The following PDGFC variants were observed in gnomAD, a reference collection of about 807,000 sequenced individuals.
PDGFC encodes platelet-derived growth factor C.
In PDGFC, 12 loss-of-function variants were observed where a neutral mutation model predicts 35.5. The observed-to-expected ratio is 0.34, with a 90% confidence interval of 0.22 to 0.55. PDGFC has a LOEUF of 0.55. Among genes scored for constraint, PDGFC ranks in the 20% least tolerant of loss-of-function variants. The pLI is 0.91. For missense variants in PDGFC, 322 were observed against 412.4 expected (o/e 0.78, Z 1.90); for synonymous variants, 159 against 148.8 (o/e 1.07, Z -0.50).
chr4:156,834,373 T>A (rs941489336), intron 2 of PDGFC, among the ~76,000 whole-genome samples: 2 of 152,190 alleles, frequency 1.3e-5, no homozygotes, highest in East Asian at 3.8e-4. Flanking sequence ...GCAGGCCTCA[T>A]TTCCACTGAG....
intron 1 of PDGFC, among the ~76,000 whole-genome samples, chr4:156,863,520 A>G (rs1381164421): frequency 6.6e-6 from 1 of 152,200 alleles, no homozygotes; most frequent in East Asian, 1.9e-4. Context: ...AAAACAACAA[A>G]AACAGTAACA....
rs145984509 is a variant in PDGFC at position 156,789,550 on chromosome 4, T to TAGC, written c.496-16660_496-16658dup. ...CACACACATGCACACACACACCAAC[T>TAGC]AGCACTCATCATCTAGCTGCTTTTA... On this transcript the variant is annotated intron_variant, in intron 3 of 5. Coordinates refer to ENST00000502773, the MANE Select transcript of PDGFC (RefSeq NM_016205.3). 6.4e-3 allele frequency among the ~76,000 whole-genome samples: 971 copies of TAGC among 152,252 alleles called. 16 individuals carry two copies. The highest frequency in any genetic ancestry group is 0.021 in the African/African-American group (872 of 41,550).
intron 1 of PDGFC, among the ~76,000 whole-genome samples, chr4:156,903,508 T>C (rs1730843619): frequency 6.6e-6 from 1 of 152,050 alleles, no homozygotes; most frequent in African/African-American, 2.4e-5. Context: ...ACACAGCAGA[T>C]GGTTTCCCCT....
At chr4:156,916,162 G>T (rs1372720750) in intron 1 of PDGFC, among the ~76,000 whole-genome samples, 1 of 151,880 alleles carries the variant, frequency 6.6e-6, no homozygotes. Flanking sequence ...AAAATTCTAA[G>T]ATCTTAGGGG....
chr4:156,901,325 T>C (rs2110764910), intron 1 of PDGFC, among the ~76,000 whole-genome samples: 1 of 152,214 alleles, frequency 6.6e-6, no homozygotes, highest in East Asian at 1.9e-4. Flanking sequence ...CAAGCACATG[T>C]AAACGTCAGA....
chr4:156,867,364 G>A (rs566879108), intron 1 of PDGFC, among the ~76,000 whole-genome samples: 1 of 152,268 alleles, frequency 6.6e-6, no homozygotes, highest in South Asian at 2.1e-4. Flanking sequence ...CAGAGCTCTA[G>A]GCAATAATGC....
In PDGFC at chr4:156,883,710, TTCTTTC is replaced by T. The variant is rs200093254; in HGVS notation, c.119-33300_119-33295del. 9.7e-3 allele frequency among the ~76,000 whole-genome samples: 1,478 copies of T among 152,286 alleles called. 18 individuals are homozygous for T. Among genetic ancestry groups the T allele is most frequent in the African/African-American group, 0.033 (1,360 of 41,556 alleles). On this transcript the variant is annotated intron_variant, in intron 1 of 5. Coordinates refer to ENST00000502773, the MANE Select transcript of PDGFC (RefSeq NM_016205.3). ...AAGGATATCTTTGATGATCTGAGATTTCTTTCTCTTTCTCTTTCTCTCAGTGTACCT... is the reference window on the plus strand; with the variant it reads ...AAGGATATCTTTGATGATCTGAGATTTCTTTCTCTTTCTCTCAGTGTACCT...
At chr4:156,898,118 G>A (rs1161390989) in intron 1 of PDGFC, among the ~76,000 whole-genome samples, 2 of 152,100 alleles carry the variant, frequency 1.3e-5, no homozygotes, top group African/African-American at 4.8e-5. Flanking sequence ...TGAAGGTGGA[G>A]GCCTCATGAA....
chr4:156,815,561 C>T (rs1189343985), intron 2 of PDGFC, among the ~76,000 whole-genome samples: 4 of 151,606 alleles, frequency 2.6e-5, no homozygotes, highest in African/African-American at 4.9e-5. Flanking sequence ...CTAACATAGC[C>T]CAAACATCAA....
chr4:156,938,139 A>T (rs1731726231), intron 1 of PDGFC, among the ~76,000 whole-genome samples: 1 of 149,554 alleles, frequency 6.7e-6, no homozygotes, highest in Admixed American at 6.6e-5. Context: ...ATATGAAAAT[A>T]CACACACACA....
At chr4:156,793,040 C>T (rs563239253) in intron 3 of PDGFC, among the ~76,000 whole-genome samples, 2 of 152,102 alleles carry the variant, frequency 1.3e-5, no homozygotes, top group Non-Finnish European at 2.9e-5. Flanking sequence ...GCAAACTCAA[C>T]CACAGGGCAT....
chr4:156,799,298 A>G (rs905290760), intron 3 of PDGFC, among the ~76,000 whole-genome samples: 2 of 152,098 alleles, frequency 1.3e-5, no homozygotes, highest in Non-Finnish European at 2.9e-5. Flanking sequence ...CAGACACAGG[A>G]CCTTTGCCCT....
At chr4:156,853,891 A>C (rs1436060610) in intron 1 of PDGFC, among the ~76,000 whole-genome samples, 1 of 152,164 alleles carries the variant, frequency 6.6e-6, no homozygotes, top group African/African-American at 2.4e-5. Flanking sequence ...TAAGCCCAGG[A>C]GGTTGAGGCT....
chr4:156,935,524 C>T (rs1190479474), intron 1 of PDGFC, among the ~76,000 whole-genome samples: 1 of 152,166 alleles, frequency 6.6e-6, no homozygotes, highest in Non-Finnish European at 1.5e-5. Flanking sequence ...ATTACAACAG[C>T]TACAACCTCA....
At chr4:156,867,352 G>T (rs548815784) in intron 1 of PDGFC, among the ~76,000 whole-genome samples, 1 of 152,302 alleles carries the variant, frequency 6.6e-6, no homozygotes, top group African/African-American at 2.4e-5. Context: ...CTACGTGAAC[G>T]ACAGAGCTCT....
At chr4:156,796,031 A>G (rs1355215607) in intron 3 of PDGFC, among the ~76,000 whole-genome samples, 1 of 152,156 alleles carries the variant, frequency 6.6e-6, no homozygotes, top group Non-Finnish European at 1.5e-5. Context: ...AAGAGGAGTG[A>G]TTTGTGGTAT....
intron 4 of PDGFC, 121 bp from the exon 5 acceptor site, chr4:156,768,111 T>C: frequency 1.5e-6 from 1 of 671,282 alleles, no homozygotes; most frequent in Non-Finnish European, 2.6e-6. Flanking sequence ...TCCATAACAA[T>C]ATCCGCTCTT....
At chr4:156,867,385 T>C (rs1729870244) in intron 1 of PDGFC, among the ~76,000 whole-genome samples, 2 of 152,206 alleles carry the variant, frequency 1.3e-5, no homozygotes, top group Admixed American at 1.3e-4. Flanking sequence ...CAGGTGATAC[T>C]TCTTTCTCTT....
At chr4:156,941,466 G>C (rs1579114535) in intron 1 of PDGFC, among the ~76,000 whole-genome samples, 1 of 152,224 alleles carries the variant, frequency 6.6e-6, no homozygotes, top group East Asian at 1.9e-4. Context: ...CATCCAAACA[G>C]CTTTCACAGG....
Sources: gnomAD v4.1 joint callset for allele counts (sites outside exome capture counted in the v4.1 genomes callset) on GRCh38, gnomAD v4.1.1 for gene constraint, MANE v1.5 for transcripts, NCBI Gene and HGNC (gene_info 2026-07-23, HGNC 2026-07-21) for gene names.